Variants in RASAL2 observed in about 807,000 individuals in gnomAD.
The protein encoded by RASAL2 is RAS protein activator like 2.
RASAL2 carries 58 observed loss-of-function variants against 128.9 expected under a neutral mutation model. The observed-to-expected ratio is 0.45, with a 90% CI of 0.36 to 0.56. The LOEUF is 0.56. Ranked by LOEUF, RASAL2 falls within the 20% of genes least tolerant of loss-of-function variation. The probability of loss-of-function intolerance (pLI) is 0.00; values close to 1 mark genes in which losing one functional copy is unlikely to be tolerated. For synonymous variants in RASAL2, 561 were observed against 580.8 expected (o/e 0.97, Z 0.49); for missense variants, 1,360 against 1,601.6 (o/e 0.85, Z 2.57).
At chr1:178,164,056 A>T (rs1661428995) in intron 1 of RASAL2, among the ~76,000 whole-genome samples, 1 of 152,174 alleles carries the variant, frequency 6.6e-6, no homozygotes, top group Non-Finnish European at 1.5e-5. Flanking sequence ...TATATGGCAA[A>T]ATGTAAACAT....
At chr1:178,119,238 G>C (rs1193446450) in intron 1 of RASAL2, among the ~76,000 whole-genome samples, 1 of 152,122 alleles carries the variant, frequency 6.6e-6, no homozygotes, top group Non-Finnish European at 1.5e-5. Context: ...TTTTCTAAGA[G>C]AAATCTCTGG....
rs1319264438 is a variant in RASAL2 at position 178,463,455 on chromosome 1, T to A, written c.3253-823T>A. ...TTCCAAAGAATTTTCAAATATATTG[T>A]CTTATCCTCACAGCTCCCTATGAGA... On this transcript the variant is annotated intron_variant, in intron 14 of 17. Coordinates refer to ENST00000367649, the MANE Select transcript of RASAL2 (RefSeq NM_170692.4). Among the ~76,000 whole-genome samples the A allele has an allele frequency of 9.9e-5, 15 of 152,178 alleles. No homozygotes were observed. The East Asian group carries it at 2.9e-3, about 29-fold the overall frequency.
At chr1:178,257,831 A>T (rs1423590214) in intron 1 of RASAL2, among the ~76,000 whole-genome samples, 1 of 136,120 alleles carries the variant, frequency 7.3e-6, no homozygotes, top group Non-Finnish European at 1.6e-5. Context: ...ACAGAGTGAG[A>T]CCCTGTCTCA....
At position 178,094,446 on chromosome 1, in the gene RASAL2, G is replaced by A. The variant is rs1160620623; in HGVS notation, c.-47G>A. ...AGGCAGGGCGCGGAGCCGCGCGCCA[G>A]CCCGCCCCGAAGCCGCCGCCTCGTC... On this transcript the variant is annotated 5_prime_UTR_variant, in exon 1 of 18. Transcript: ENST00000367649. 6.7e-7 allele frequency: 1 copy of A among 1,486,536 alleles called. No homozygotes were observed. Among genetic ancestry groups the A allele is most frequent in the South Asian group, 1.3e-5 (1 of 75,456 alleles). 92.1% of individuals were successfully genotyped at this position (1,486,536 alleles called of 1,614,324 possible).
chr1:178,453,225 G>A (rs553383005), intron 11 of RASAL2, among the ~76,000 whole-genome samples: 2 of 152,042 alleles, frequency 1.3e-5, no homozygotes, highest in East Asian at 3.9e-4. Context: ...TCCTTTTGGG[G>A]GCAATGGGTG....
chr1:178,442,028 G>A (rs1048775198), intron 7 of RASAL2, among the ~76,000 whole-genome samples: 2 of 151,994 alleles, frequency 1.3e-5, no homozygotes, highest in Non-Finnish European at 2.9e-5. Context: ...TGACTTGGGG[G>A]GAAGGTGCCA....
Position 178,327,090 on chromosome 1 carries a change from T to C in RASAL2, c.457+26972T>C, listed in dbSNP as rs574550122. On this transcript the variant is annotated intron_variant, in intron 3 of 17. Transcript: ENST00000367649. ...ATCTCATTCTAACTTAGCATTTCTT[T>C]TCTATTTTGAATGAAATTTAAAATC... Among the ~76,000 whole-genome samples, 12 of 152,306 alleles carry C rather than the reference T, an allele frequency of 7.9e-5. No homozygotes were observed. The South Asian group carries it at 2.5e-3, about 32-fold the overall frequency.
At chr1:178,376,446 C>G (rs1277258998) in intron 3 of RASAL2, among the ~76,000 whole-genome samples, 2 of 152,012 alleles carry the variant, frequency 1.3e-5, no homozygotes, top group Non-Finnish European at 2.9e-5. Flanking sequence ...AGAGCAAGAT[C>G]TTGAACCTAC....
intron 1 of RASAL2, among the ~76,000 whole-genome samples, chr1:178,172,163 T>A (rs1241489268): frequency 6.6e-6 from 1 of 152,048 alleles, no homozygotes; most frequent in Non-Finnish European, 1.5e-5. Flanking sequence ...TTCATGAATT[T>A]GCAAGTCCTT....
At chr1:178,190,362 G>T (rs912572188) in intron 1 of RASAL2, among the ~76,000 whole-genome samples, 1 of 152,098 alleles carries the variant, frequency 6.6e-6, no homozygotes, top group Non-Finnish European at 1.5e-5. Flanking sequence ...AGGAAAAGAG[G>T]TAACAAAATG....
At chr1:178,291,921 G>A (rs1571793788) in intron 2 of RASAL2, among the ~76,000 whole-genome samples, 1 of 151,412 alleles carries the variant, frequency 6.6e-6, no homozygotes, top group East Asian at 1.9e-4. Context: ...TGTAACCCCA[G>A]CTACTCGGGA....
chr1:178,296,830 G>C (rs1474991089), intron 2 of RASAL2, among the ~76,000 whole-genome samples: 1 of 151,816 alleles, frequency 6.6e-6, no homozygotes, highest in Admixed American at 6.6e-5. Flanking sequence ...GCCCCACCAT[G>C]TCCAACTGAT....
Position 178,458,366 on chromosome 1 carries a change from C to T in RASAL2, c.3074C>T (p.Ala1025Val), listed in dbSNP as rs781680400. 4 of 1,614,088 alleles carry T rather than the reference C, an allele frequency of 2.5e-6. No homozygotes were observed. The highest frequency in any genetic ancestry group is 2.2e-5 in the East Asian group (1 of 44,882). ...GGTGGGTTAGGTGCCCGAGCCAAAGCCCCACCATCCCTGCCACACAGTGCT... is the reference window on the plus strand; with the variant it reads ...GGTGGGTTAGGTGCCCGAGCCAAAGTCCCACCATCCCTGCCACACAGTGCT... ...DQGGLGARAK[A>V]PPSLPHSASL... The change falls in exon 14 of 18, where the codon GCC (alanine) becomes GTC (valine). Residue 1025 changes from alanine (A) to valine (V), a missense_variant. By Grantham distance (64) the Ala-to-Val change is moderately conservative. Coordinates refer to ENST00000367649, the MANE Select transcript of RASAL2 (RefSeq NM_170692.4).
intron 15 of RASAL2, among the ~76,000 whole-genome samples, chr1:178,465,456 G>A (rs1008513660): frequency 3.3e-5 from 5 of 152,164 alleles, no homozygotes; most frequent in Admixed American, 1.3e-4. Context: ...ATCCTACAGT[G>A]CAGATGATGA....
chr1:178,179,681 T>G (rs559916345), intron 1 of RASAL2, among the ~76,000 whole-genome samples: 1 of 152,266 alleles, frequency 6.6e-6, no homozygotes, highest in East Asian at 1.9e-4. Context: ...TTTTGTCACT[T>G]TCAAGAGGAC....
chr1:178,251,656 G>A (rs529657527), intron 1 of RASAL2, among the ~76,000 whole-genome samples: 1 of 152,116 alleles, frequency 6.6e-6, no homozygotes. Flanking sequence ...CATGTAGCCT[G>A]TCCTGCCACA....
chr1:178,102,243 T>C (rs1658927189), intron 1 of RASAL2, among the ~76,000 whole-genome samples: 1 of 152,228 alleles, frequency 6.6e-6, no homozygotes, highest in Non-Finnish European at 1.5e-5. Context: ...GTGCTTAACA[T>C]AAAGAATTAG....
chr1:178,456,630 C>T (rs763597635), intron 12 of RASAL2, 91 bp from the exon 13 acceptor site: 108 of 1,366,906 alleles, frequency 7.9e-5, no homozygotes, highest in Non-Finnish European at 1.1e-4. Flanking sequence ...ACCTACACCC[C>T]TCCATCAATG....
chr1:178,358,073 T>TA (rs1670902960), intron 3 of RASAL2, among the ~76,000 whole-genome samples: 1 of 151,334 alleles, frequency 6.6e-6, no homozygotes. Context: ...CAGTCTCTAC[T>TA]AAAAATAAGA....
Sources: gnomAD v4.1 joint callset for allele counts (sites outside exome capture counted in the v4.1 genomes callset) on GRCh38, gnomAD v4.1.1 for gene constraint, MANE v1.5 for transcripts, NCBI Gene and HGNC (gene_info 2026-07-23, HGNC 2026-07-21) for gene names.